ATRNL1: variants seen among roughly 807,000 people sequenced by gnomAD.
ATRNL1 encodes attractin-like protein 1.
ATRNL1 carries 95 observed loss-of-function variants against 182.7 expected under a neutral mutation model. The ratio of observed to expected loss-of-function variants is 0.52; its 90% confidence interval spans 0.44 to 0.62. ATRNL1 has a LOEUF of 0.62. Among genes scored for constraint, ATRNL1 ranks in the 20% least tolerant of loss-of-function variants. The probability of loss-of-function intolerance (pLI) is 0.00; values close to 1 mark genes in which losing one functional copy is unlikely to be tolerated. For missense variants in ATRNL1, 1,471 were observed against 1,679.5 expected, an observed-to-expected ratio of 0.88 and a Z score of 2.17; for synonymous variants, 576 against 568.3, an observed-to-expected ratio of 1.01 and a Z score of -0.19.
At chr10:115,495,250 C>T (rs1231687596) in intron 24 of ATRNL1, among the ~76,000 whole-genome samples, 1 of 151,596 alleles carries the variant, frequency 6.6e-6, no homozygotes. Flanking sequence ...GTCTATGAGT[C>T]TTATTTATAT....
chr10:115,753,382 G>A (rs1295282384), intron 27 of ATRNL1, among the ~76,000 whole-genome samples: 3 of 151,956 alleles, frequency 2.0e-5, no homozygotes. Flanking sequence ...GTGTTCATGT[G>A]TTCTAATTGT....
intron 24 of ATRNL1, among the ~76,000 whole-genome samples, chr10:115,502,635 G>C (rs533776284): frequency 2.0e-5 from 3 of 151,774 alleles, no homozygotes; most frequent in African/African-American, 7.3e-5. Context: ...TTAAGGAGTC[G>C]GTTAATGCTT....
intron 27 of ATRNL1, among the ~76,000 whole-genome samples, chr10:115,744,953 T>A (rs1271087334): frequency 2.0e-5 from 3 of 152,154 alleles, no homozygotes; most frequent in Non-Finnish European, 2.9e-5. Flanking sequence ...GCCTCATTCA[T>A]ACTCCATCAC....
intron 26 of ATRNL1, among the ~76,000 whole-genome samples, chr10:115,587,063 C>T (rs1264075236): frequency 6.7e-6 from 1 of 149,774 alleles, no homozygotes; most frequent in Admixed American, 6.7e-5. Context: ...AGTTAGGCTG[C>T]TCGGGGGTCA....
At chr10:115,712,960 T>G (rs1555054994) in intron 26 of ATRNL1, among the ~76,000 whole-genome samples, 1 of 152,142 alleles carries the variant, frequency 6.6e-6, no homozygotes, top group African/African-American at 2.4e-5. Flanking sequence ...CAAGACAGTA[T>G]TTTTAAAACT....
At chr10:115,147,734 C>T (rs1441780156) in intron 5 of ATRNL1, among the ~76,000 whole-genome samples, 4 of 152,012 alleles carry the variant, frequency 2.6e-5, no homozygotes, top group African/African-American at 9.7e-5. Flanking sequence ...ACTGTGCTTT[C>T]TCCAATGTAT....
At chr10:115,390,518 A>G (rs1481114130) in intron 19 of ATRNL1, among the ~76,000 whole-genome samples, 6 of 152,030 alleles carry the variant, frequency 3.9e-5, no homozygotes, top group Non-Finnish European at 7.4e-5. Context: ...GCTGGGCTCT[A>G]TATTCTGTTC....
At chr10:115,193,675 CT>C (rs1376415100) in intron 8 of ATRNL1, among the ~76,000 whole-genome samples, 1 of 151,218 alleles carries the variant, frequency 6.6e-6, no homozygotes, top group African/African-American at 2.4e-5. Flanking sequence ...TTTCATTGAC[CT>C]TTTGTATTTT....
rs533003089 is a variant in ATRNL1 at position 115,908,388 on chromosome 10, A to C, written c.4019-36270A>C. ...TTTCCAGCTTTTCGAGGCTGCCTGC[A>C]TTCCTTAGTTCATGCCCACCTTCCT... On this transcript the variant is annotated intron_variant, in intron 28 of 28. Transcript: ENST00000355044. Among the ~76,000 whole-genome samples, 22 of 152,020 alleles carry C rather than the reference A, an allele frequency of 1.4e-4. No individual in the cohort carries two copies. The South Asian group carries it at 4.6e-3, about 32-fold the overall frequency.
At chr10:115,831,420 T>C (rs1336603904) in intron 27 of ATRNL1, among the ~76,000 whole-genome samples, 1 of 152,112 alleles carries the variant, frequency 6.6e-6, no homozygotes, top group Non-Finnish European at 1.5e-5. Flanking sequence ...TCATAGTTCC[T>C]TAATAAAGAG....
At position 115,286,214 on chromosome 10, in the gene ATRNL1, A is replaced by T. The variant is rs1554918801; in HGVS notation, c.2234-2A>T. 7 of 1,500,642 alleles carry T rather than the reference A, an allele frequency of 4.7e-6. No homozygotes were observed. The highest frequency in any genetic ancestry group is 3.9e-5 in the Admixed American group (2 of 51,922). The allele number at this position is 1,500,642 out of a possible 1,614,324, so 93.0% of individuals were successfully genotyped here. ...AATAAGACACATTTTTTTTCTTACT[A>T]GCTCATCTTTGTGGAGAAGGATGGA... On this transcript the variant is annotated splice_acceptor_variant, in intron 14 of 28. Transcript: ENST00000355044. LOFTEE classifies it high-confidence loss of function.
intron 17 of ATRNL1, among the ~76,000 whole-genome samples, chr10:115,304,490 A>G (rs1428456251): frequency 6.6e-6 from 1 of 152,198 alleles, no homozygotes; most frequent in African/African-American, 2.4e-5. Flanking sequence ...AGAGAGTTTA[A>G]TAGGCAAGAA....
chr10:115,362,524 T>A (rs1158095303), intron 19 of ATRNL1, among the ~76,000 whole-genome samples: 1 of 152,030 alleles, frequency 6.6e-6, no homozygotes, highest in Non-Finnish European at 1.5e-5. Context: ...ACATTGTTTT[T>A]TTTTTTTTAT....
chr10:115,265,558 A>T (rs1349460407), intron 11 of ATRNL1, among the ~76,000 whole-genome samples: 1 of 151,552 alleles, frequency 6.6e-6, no homozygotes, highest in Admixed American at 6.6e-5. Context: ...TTTTCCAGAG[A>T]TCAGATAAGG....
At chr10:115,321,214 C>A (rs1361847420) in intron 18 of ATRNL1, among the ~76,000 whole-genome samples, 2 of 152,118 alleles carry the variant, frequency 1.3e-5, no homozygotes, top group East Asian at 3.9e-4. Flanking sequence ...TTCGCTCCTG[C>A]CCCTGGAGAT....
chr10:115,880,408 G>C (rs1366636360), intron 28 of ATRNL1, among the ~76,000 whole-genome samples: 1 of 152,194 alleles, frequency 6.6e-6, no homozygotes, highest in Non-Finnish European at 1.5e-5. Context: ...TGGATCACCT[G>C]GGGTCAGGAG....
intron 18 of ATRNL1, among the ~76,000 whole-genome samples, chr10:115,325,858 A>G (rs1192233487): frequency 1.3e-5 from 2 of 149,946 alleles, no homozygotes; most frequent in African/African-American, 4.9e-5. Context: ...GTTAGATATG[A>G]GTGCTAAATT....
chr10:115,142,251 A>C (rs1229617875), intron 5 of ATRNL1, among the ~76,000 whole-genome samples: 1 of 152,206 alleles, frequency 6.6e-6, no homozygotes, highest in African/African-American at 2.4e-5. Context: ...CATGTGAGAA[A>C]AGACTTTAAG....
chr10:115,641,777 G>A (rs1859262615), intron 26 of ATRNL1, among the ~76,000 whole-genome samples: 1 of 151,900 alleles, frequency 6.6e-6, no homozygotes, highest in Admixed American at 6.6e-5. Flanking sequence ...TAGATATTCA[G>A]TCGTATCTAT....
Sources: allele counts gnomAD v4.1 joint callset (sites outside exome capture counted in the v4.1 genomes callset), GRCh38; gene constraint gnomAD v4.1.1; transcripts MANE v1.5; gene names NCBI Gene and HGNC (gene_info 2026-07-23, HGNC 2026-07-21).